The following SFMBT1 variants were observed in gnomAD, a reference collection of about 807,000 sequenced individuals.
SFMBT1 encodes Scm like with four mbt domains 1.
A neutral mutation model predicts 108.7 loss-of-function variants in SFMBT1; 32 were observed. The ratio of observed to expected loss-of-function variants is 0.29; its 90% CI spans 0.22 to 0.40. SFMBT1 has a LOEUF of 0.40. SFMBT1 is among the 10% of genes least tolerant of loss of function. The pLI is 1.00. For missense variants in SFMBT1, 816 were observed against 1,059.6 expected (o/e 0.77, Z 3.19); for synonymous variants, 348 against 369.5 (o/e 0.94, Z 0.67).
chr3:52,952,262 G>A (rs1703622126), intron 3 of SFMBT1, among the ~76,000 whole-genome samples: 1 of 152,206 alleles, frequency 6.6e-6, no homozygotes, highest in South Asian at 2.1e-4. Flanking sequence ...GGAGGCTGAG[G>A]CAGGAGAATG....
chr3:53,007,232 C>A (rs2106922435), intron 1 of SFMBT1, among the ~76,000 whole-genome samples: 1 of 152,292 alleles, frequency 6.6e-6, no homozygotes, highest in Non-Finnish European at 1.5e-5. Context: ...AATACCTCTA[C>A]TTAGCACTTT....
At chr3:52,926,190 T>C (rs1702652520) in intron 9 of SFMBT1, 77 bp from the exon 10 acceptor site, 7 of 1,299,498 alleles carry the variant, frequency 5.4e-6, no homozygotes, top group Non-Finnish European at 7.6e-6. Context: ...TCACCAAGGG[T>C]CCACTCACAA....
intron 1 of SFMBT1, among the ~76,000 whole-genome samples, chr3:52,971,141 CAA>C (rs902498108): frequency 7.3e-6 from 1 of 137,522 alleles, no homozygotes; most frequent in African/African-American, 2.7e-5. Context: ...AATCCTGTCT[CAA>C]AAAAAAAAAA....
At chr3:53,014,835 T>A (rs377258995) in intron 1 of SFMBT1, among the ~76,000 whole-genome samples, 2 of 152,130 alleles carry the variant, frequency 1.3e-5, no homozygotes, top group East Asian at 3.9e-4. Flanking sequence ...AGAGAGAAAC[T>A]ATGAATCTGG....
chr3:52,998,694 C>T (rs1698429386), intron 1 of SFMBT1, among the ~76,000 whole-genome samples: 1 of 150,650 alleles, frequency 6.6e-6, no homozygotes, highest in African/African-American at 2.4e-5. Flanking sequence ...CTCGCCATCT[C>T]GGCAGTTCAG....
At chr3:52,979,946 T>A (rs1003276292) in intron 1 of SFMBT1, among the ~76,000 whole-genome samples, 3 of 152,176 alleles carry the variant, frequency 2.0e-5, no homozygotes, top group Non-Finnish European at 4.4e-5. Flanking sequence ...TACAGATTTT[T>A]AAAAATAACT....
At chr3:52,984,745 T>C (rs907762611) in intron 1 of SFMBT1, among the ~76,000 whole-genome samples, 14 of 150,754 alleles carry the variant, frequency 9.3e-5, no homozygotes, top group African/African-American at 3.4e-4. Flanking sequence ...TGTGTGTGTG[T>C]GTGTGTGTGT....
chr3:52,982,467 G>A (rs542970666), intron 1 of SFMBT1, among the ~76,000 whole-genome samples: 22 of 152,108 alleles, frequency 1.4e-4, no homozygotes, highest in Non-Finnish European at 2.4e-4. Flanking sequence ...GGTGGCTCAC[G>A]CCTGTAATGC....
intron 1 of SFMBT1, among the ~76,000 whole-genome samples, chr3:52,992,522 T>G (rs1705177138): frequency 6.6e-6 from 1 of 152,230 alleles, no homozygotes; most frequent in Non-Finnish European, 1.5e-5. Flanking sequence ...TTATATCGTG[T>G]ATTTCTGTGA....
intron 1 of SFMBT1, among the ~76,000 whole-genome samples, chr3:52,985,869 G>A (rs898909022): frequency 2.0e-5 from 3 of 152,134 alleles, no homozygotes; most frequent in African/African-American, 4.8e-5. Flanking sequence ...GAGGCCAGGC[G>A]AGGTGGCTCA....
In SFMBT1 at chr3:52,920,518, C is replaced by T; in HGVS notation, c.1372+19G>A. ...GATTATTTAACAATCAATCCTCTAA[C>T]CCAGAAATAGACAGATACCTCGTGC... On this transcript the variant is annotated intron_variant, in intron 12 of 20. Coordinates refer to ENST00000394752, the MANE Select transcript of SFMBT1 (RefSeq NM_016329.4). 1 of 1,563,046 alleles carries T rather than the reference C, an allele frequency of 6.4e-7. No individual in the cohort carries two copies. The highest frequency in any genetic ancestry group is 1.7e-5 in the African/African-American group (1 of 58,786).
chr3:52,918,101 G>C (rs1189836551), intron 13 of SFMBT1, among the ~76,000 whole-genome samples: 1 of 152,178 alleles, frequency 6.6e-6, no homozygotes, highest in Non-Finnish European at 1.5e-5. Context: ...TCCTTTGAAT[G>C]TGCCTTTTCT....
chr3:52,960,268 G>A lies in SFMBT1; in HGVS notation c.29-5857C>T, dbSNP rs9809655. Among the ~76,000 whole-genome samples, 11 of 152,080 alleles carry A rather than the reference G, an allele frequency of 7.2e-5. No homozygotes were observed. The East Asian group carries it at 9.7e-4, about 13-fold the overall frequency. On this transcript the variant is annotated intron_variant, in intron 2 of 20. Coordinates refer to ENST00000394752, the MANE Select transcript of SFMBT1 (RefSeq NM_016329.4). ...GTAAAGAAAAGGATGAAAAGAATACGTATCAACTTCAACAAAGTTACCTTT... is the reference window on the plus strand; with the variant it reads ...GTAAAGAAAAGGATGAAAAGAATACATATCAACTTCAACAAAGTTACCTTT...
intron 1 of SFMBT1, among the ~76,000 whole-genome samples, chr3:53,021,674 G>A (rs1213440294): frequency 6.6e-6 from 1 of 152,098 alleles, no homozygotes; most frequent in Non-Finnish European, 1.5e-5. Context: ...AAGGAAGCAG[G>A]AGTCCCCTTT....
At position 52,913,523 on chromosome 3, in the gene SFMBT1, C is replaced by A; in HGVS notation, c.1575G>T (p.Leu525=). 3 of 1,614,172 alleles carry A rather than the reference C, an allele frequency of 1.9e-6. No individual in the cohort carries two copies. Among genetic ancestry groups the A allele is most frequent in the Non-Finnish European group, 2.5e-6 (3 of 1,180,014 alleles). ...PYLNKGRIAE[L]PQCVGPGNCV... ...AGTTCCCAGGTCCTACACATTGAGG[C>A]AGCTCAGCAATTCTTCCTTTGTTAA... The change falls in exon 15 of 21, where the codon CTG becomes CTT. Residue 525 remains leucine, a synonymous_variant. Transcript: ENST00000394752.
chr3:52,946,794 CAG>C (rs1466545029), intron 3 of SFMBT1, among the ~76,000 whole-genome samples: 1 of 128,052 alleles, frequency 7.8e-6, no homozygotes, highest in Non-Finnish European at 1.6e-5. Context: ...TTTTTTGAGA[CAG>C]AGTCTTACTC....
At chr3:52,952,129 C>T (rs1024529563) in intron 3 of SFMBT1, among the ~76,000 whole-genome samples, 13 of 152,174 alleles carry the variant, frequency 8.5e-5, no homozygotes, top group Middle Eastern at 3.4e-3. Context: ...GAGGCTGAGG[C>T]GGGCGGATCA....
Position 52,954,466 on chromosome 3 carries a change from G to T in SFMBT1, c.29-55C>A, listed in dbSNP as rs1703714659. 2.2e-6 allele frequency: 3 copies of T among 1,343,072 alleles called. 1 individual carries two copies. Among genetic ancestry groups the T allele is most frequent in the Admixed American group, 3.9e-5 (2 of 50,662 alleles). 83.2% of individuals were successfully genotyped at this position (1,343,072 alleles called of 1,614,324 possible). On this transcript the variant is annotated intron_variant, in intron 2 of 20. Coordinates refer to ENST00000394752, the MANE Select transcript of SFMBT1 (RefSeq NM_016329.4). ...GAATCCCAATTAAAGAAAACTCAAG[G>T]TATAAAAATATAAACTTAATAAACC...
At chr3:53,020,383 C>T (rs753750495) in intron 1 of SFMBT1, among the ~76,000 whole-genome samples, 28 of 151,598 alleles carry the variant, frequency 1.8e-4, no homozygotes, top group Admixed American at 2.6e-4. Flanking sequence ...GAATGAGACT[C>T]CATCTCAAAA....
Sources: allele counts gnomAD v4.1 joint callset (sites outside exome capture counted in the v4.1 genomes callset), GRCh38; gene constraint gnomAD v4.1.1; transcripts MANE v1.5; gene names NCBI Gene and HGNC (gene_info 2026-07-23, HGNC 2026-07-21).